The following SDK1 variants were observed in gnomAD, a reference collection of about 807,000 sequenced individuals.
SDK1 encodes the protein protein sidekick-1.
Under a neutral mutation model 245.5 loss-of-function variants are expected in SDK1, and 157 were observed. The observed-to-expected ratio is 0.64, with a 90% CI of 0.56 to 0.73. The LOEUF (loss-of-function observed/expected upper bound fraction) is 0.73, where lower values mean the gene tolerates loss of function less well. SDK1 is among the 30% of genes least tolerant of loss of function. The pLI is 0.00. For missense variants in SDK1, 3,583 were observed against 3,002.3 expected (o/e 1.19, Z -4.52); for synonymous variants, 1,647 against 1,278.5 (o/e 1.29, Z -6.15).
chr7:4,157,500 G>C, intron 30 of SDK1, among the ~76,000 whole-genome samples: 1 of 76,860 alleles, frequency 1.3e-5, no homozygotes, highest in Non-Finnish European at 2.8e-5. Context: ...GAAGAGGGGA[G>C]AGAAGGCAGC....
Position 4,149,371 on chromosome 7 carries a change from C to A in SDK1, c.4533C>A (p.Tyr1511Ter). The change falls in exon 30 of 45, where the codon TAC becomes TAA. Residue 1511 changes from tyrosine to a stop codon, truncating the protein, a stop_gained. Coordinates refer to ENST00000404826, the MANE Select transcript of SDK1 (RefSeq NM_152744.4). LOFTEE classifies it high-confidence loss of function. The part of the protein sequence containing the change: ...PGSDGASPIR[Y>*]FTMQVRELPR... ...GCGACGGGGCCTCCCCCATCCGGTA[C>A]TTCACCATGCAGGTGCGAGAGCTGC... 6.3e-7 allele frequency: 1 copy of A among 1,592,744 alleles called. No individual in the cohort carries two copies. Among genetic ancestry groups the A allele is most frequent in the Non-Finnish European group, 8.5e-7 (1 of 1,170,318 alleles).
intron 1 of SDK1, among the ~76,000 whole-genome samples, chr7:3,471,111 A>G (rs1398881797): frequency 6.6e-6 from 1 of 152,174 alleles, no homozygotes; most frequent in Non-Finnish European, 1.5e-5. Context: ...ATTATTTGGT[A>G]ACATTTTGAT....
At chr7:4,024,313 T>C (rs546084837) in intron 17 of SDK1, among the ~76,000 whole-genome samples, 1 of 152,326 alleles carries the variant, frequency 6.6e-6, no homozygotes, top group Non-Finnish European at 1.5e-5. Flanking sequence ...CCCATTCTTA[T>C]CTCCTCTTGG....
Position 3,881,186 on chromosome 7 carries a change from C to T in SDK1, c.847+59603C>T, listed in dbSNP as rs534349586. Among the ~76,000 whole-genome samples the T allele has an allele frequency of 3.3e-5, 5 of 152,128 alleles. No individual in the cohort carries two copies. In the East Asian group the frequency reaches 9.7e-4, roughly 29 times the overall value. On this transcript the variant is annotated intron_variant, in intron 5 of 44. Coordinates refer to ENST00000404826, the MANE Select transcript of SDK1 (RefSeq NM_152744.4). ...ACCTGTGCCATGGTGGTTTGCTACA[C>T]GAATCAACCCACCACCTAGGTATTA...
intron 1 of SDK1, among the ~76,000 whole-genome samples, chr7:3,497,162 CT>C (rs1404860609): frequency 2.0e-5 from 3 of 152,242 alleles, no homozygotes; most frequent in Non-Finnish European, 2.9e-5. Flanking sequence ...AAGAGAAACT[CT>C]TTTTAGTTAG....
chr7:3,884,079 T>G (rs75901729), intron 5 of SDK1, among the ~76,000 whole-genome samples: 31,949 of 144,404 alleles, frequency 0.22, 3,733 homozygotes, highest in African/African-American at 0.34. Flanking sequence ...TTGTTTGTTT[T>G]TTTGTTTTTT....
rs1348249708 is a variant in SDK1, at chr7:4,241,820, C to G, written c.6158C>G (p.Ser2053Cys). ...AAGGGGATCTCCACCATGGAGGAGT[C>G]TGTGACCCTGGACAACGGAGGATTT... ...TGKGISTMEE[S>C]VTLDNGGFAA... The change falls in exon 43 of 45, where the codon TCT (serine) becomes TGT (cysteine). Residue 2053 changes from serine to cysteine, a missense_variant. Coordinates refer to ENST00000404826, the MANE Select transcript of SDK1 (RefSeq NM_152744.4). 3.7e-6 allele frequency: 6 copies of G among 1,614,090 alleles called. No individual in the cohort carries two copies. The Admixed American group carries it at 6.7e-5, about 18-fold the overall frequency.
intron 1 of SDK1, among the ~76,000 whole-genome samples, chr7:3,486,338 C>T (rs1223950509): frequency 6.6e-6 from 1 of 151,914 alleles, no homozygotes; most frequent in Non-Finnish European, 1.5e-5. Flanking sequence ...CAAAACTTAG[C>T]CAGTTTTATG....
chr7:3,808,260 C>T (rs1244827047), intron 4 of SDK1, among the ~76,000 whole-genome samples: 1 of 152,130 alleles, frequency 6.6e-6, no homozygotes, highest in African/African-American at 2.4e-5. Context: ...GAAGAGTTGA[C>T]GGGGAGCATG....
intron 4 of SDK1, among the ~76,000 whole-genome samples, chr7:3,794,995 G>A (rs753673773): frequency 6.6e-6 from 1 of 151,848 alleles, no homozygotes; most frequent in African/African-American, 2.4e-5. Context: ...GACGAACTCT[G>A]TGCCAGGCAC....
Position 3,987,241 on chromosome 7 carries a change from C to T in SDK1, c.2050C>T (p.His684Tyr). The change falls in exon 14 of 45, where the codon CAC (histidine) becomes TAC (tyrosine). Residue 684 changes from histidine to tyrosine, a missense_variant. Coordinates refer to ENST00000404826, the MANE Select transcript of SDK1 (RefSeq NM_152744.4). ...GGTCAGCCCTAATTCTTCCCACAGC[C>T]ACGCCGTGGTGCTCTCTTGGGTCCG... Reference protein sequence around the residue: ...LLVSPNSSHSHAVVLSWVRPF... With the variant: ...LLVSPNSSHSYAVVLSWVRPF... 7 of 1,613,786 alleles carry T rather than the reference C, an allele frequency of 4.3e-6. No individual in the cohort carries two copies. The highest frequency in any genetic ancestry group is 5.9e-6 in the Non-Finnish European group (7 of 1,179,664).
At chr7:4,047,221 C>T (rs533380527) in intron 17 of SDK1, among the ~76,000 whole-genome samples, 3 of 152,054 alleles carry the variant, frequency 2.0e-5, no homozygotes, top group East Asian at 1.9e-4. Context: ...TAAATTTTGC[C>T]GAATGCTTTT....
At chr7:3,730,445 A>C (rs1482593904) in intron 4 of SDK1, among the ~76,000 whole-genome samples, 3 of 152,162 alleles carry the variant, frequency 2.0e-5, no homozygotes, top group African/African-American at 7.2e-5. Flanking sequence ...CTTTTTCAAA[A>C]AGCAGATTGT....
In SDK1 at chr7:4,188,675, T is replaced by G. The variant is rs576964723; in HGVS notation, c.5098+10089T>G. Among the ~76,000 whole-genome samples the G allele has an allele frequency of 1.5e-4, 23 of 150,484 alleles. No individual in the cohort carries two copies. In the South Asian group the frequency reaches 4.6e-3, roughly 30 times the overall value. On this transcript the variant is annotated intron_variant, in intron 35 of 44. Coordinates refer to ENST00000404826, the MANE Select transcript of SDK1 (RefSeq NM_152744.4). ...GTTTTATGTTTTCCATTAAACTCTT[T>G]CATCAAAAAAAAAAAGAAAGAAAGA... is the stretch of plus-strand genomic sequence containing the variant.
chr7:3,733,981 T>A (rs568627420), intron 4 of SDK1, among the ~76,000 whole-genome samples: 1 of 152,218 alleles, frequency 6.6e-6, no homozygotes, highest in East Asian at 1.9e-4. Context: ...CCAAGATGAT[T>A]CAGATGTAAG....
At chr7:3,423,795 T>G (rs1455878004) in intron 1 of SDK1, among the ~76,000 whole-genome samples, 1 of 152,164 alleles carries the variant, frequency 6.6e-6, no homozygotes, top group Non-Finnish European at 1.5e-5. Flanking sequence ...TAATTCAACC[T>G]TGTAAAATTT....
At chr7:4,114,402 T>C in intron 25 of SDK1, 128 bp downstream of exon 25, 1 of 741,310 alleles carries the variant, frequency 1.3e-6, no homozygotes, top group Non-Finnish European at 2.1e-6. Flanking sequence ...CTTGGAGCTT[T>C]CCTAATCCCG....
intron 1 of SDK1, among the ~76,000 whole-genome samples, chr7:3,481,848 C>T (rs928552603): frequency 6.6e-6 from 1 of 152,046 alleles, no homozygotes; most frequent in Non-Finnish European, 1.5e-5. Flanking sequence ...AAATGCTTTC[C>T]AAATTATCCC....
At chr7:3,607,281 C>T (rs937553642) in intron 1 of SDK1, among the ~76,000 whole-genome samples, 3 of 152,004 alleles carry the variant, frequency 2.0e-5, no homozygotes, top group Non-Finnish European at 2.9e-5. Context: ...CTTAATATTC[C>T]AGGGGGAAAT....
Sources: allele counts gnomAD v4.1 joint callset (sites outside exome capture counted in the v4.1 genomes callset), GRCh38; gene constraint gnomAD v4.1.1; transcripts MANE v1.5; gene names NCBI Gene and HGNC (gene_info 2026-07-23, HGNC 2026-07-21).